PRG4: variants seen among roughly 807,000 people sequenced by gnomAD.
The protein encoded by PRG4 is articular superficial zone protein.
Under a neutral mutation model 91.2 loss-of-function variants are expected in PRG4, and 61 were observed. That is an observed-to-expected ratio of 0.67 (90% CI 0.54 to 0.83). PRG4 has a LOEUF of 0.83. PRG4 is among the 40% of genes least tolerant of loss of function. The pLI is 0.00. For missense variants in PRG4, 1,564 were observed against 1,714.2 expected (o/e 0.91, Z 1.55); for synonymous variants, 576 against 614.2 (o/e 0.94, Z 0.92).
intron 11 of PRG4, 117 bp from the exon 12 acceptor site, chr1:186,312,652 C>G (rs1389258340): frequency 1.8e-6 from 2 of 1,130,828 alleles, no homozygotes; most frequent in Admixed American, 1.7e-5. Context: ...GTCTATAACC[C>G]TCAATAGTTC....
chr1:186,302,123 A>G (rs1656264237), intron 4 of PRG4, among the ~76,000 whole-genome samples: 1 of 152,208 alleles, frequency 6.6e-6, no homozygotes, highest in Non-Finnish European at 1.5e-5. Flanking sequence ...GTTTGAGTAT[A>G]TATTTAAGGA....
rs767214166 is a variant in PRG4 at position 186,308,208 on chromosome 1, C to G, written c.2489C>G (p.Thr830Ser). The change falls in exon 7 of 13, where the codon ACC (threonine) becomes AGC (serine). Residue 830 changes from threonine (T) to serine (S), a missense_variant. By Grantham distance (58) the Thr-to-Ser change is moderately conservative. Coordinates refer to ENST00000445192, the MANE Select transcript of PRG4 (RefSeq NM_005807.6). ...PTTPKETAPTTPKEPAPTTPK... is the reference protein window; with the variant it reads ...PTTPKETAPTSPKEPAPTTPK... ...ACACCTAAGGAGACTGCTCCAACTA[C>G]CCCCAAGGAGCCTGCACCCACTACC... 1 of 1,612,300 alleles carries G rather than the reference C, an allele frequency of 6.2e-7. No individual in the cohort carries two copies. The highest frequency in any genetic ancestry group is 8.5e-7 in the Non-Finnish European group (1 of 1,179,396).
chr1:186,310,278 C>T (rs1404105790), intron 8 of PRG4, among the ~76,000 whole-genome samples: 3 of 152,158 alleles, frequency 2.0e-5, no homozygotes, highest in East Asian at 1.9e-4. Context: ...CACTCTCTGT[C>T]GGAGAGTAAC....
At position 186,307,389 on chromosome 1, in the gene PRG4, C is replaced by T; in HGVS notation, c.1670C>T (p.Thr557Ile). The T allele has an allele frequency of 1.2e-6, 2 of 1,604,138 alleles. No individual in the cohort carries two copies. Among genetic ancestry groups the T allele is most frequent in the East Asian group, 4.5e-5 (2 of 44,274 alleles). The change falls in exon 7 of 13, where the codon ACC becomes ATC. Residue 557 changes from threonine to isoleucine, a missense_variant. By Grantham distance (89) the Thr-to-Ile change is moderately conservative (BLOSUM62 -1). Coordinates refer to ENST00000445192, the MANE Select transcript of PRG4 (RefSeq NM_005807.6). ...CCCAAGGAGCCTTCACCCACCACCACCAAGGAGCCTGCACCCACCACTCCC... is the reference window on the plus strand; with the variant it reads ...CCCAAGGAGCCTTCACCCACCACCATCAAGGAGCCTGCACCCACCACTCCC... ...TTPKEPSPTT[T>I]KEPAPTTPKE...
chr1:186,306,641 A>G lies in PRG4; in HGVS notation c.922A>G (p.Lys308Glu). The change falls in exon 7 of 13, where the codon AAA (lysine) becomes GAA (glutamate). Residue 308 changes from lysine to glutamate, a missense_variant. By Grantham distance (56) the Lys-to-Glu change is moderately conservative. Coordinates refer to ENST00000445192, the MANE Select transcript of PRG4 (RefSeq NM_005807.6). ...TGGAAAAGAGAAGACTACTTCCGCT[A>G]AAGAGACACAAAGTATAGAGAAAAC... ...TDGKEKTTSAKETQSIEKTSA... is the reference protein window; with the variant it reads ...TDGKEKTTSAEETQSIEKTSA... The G allele has an allele frequency of 6.2e-7, 1 of 1,613,570 alleles. No individual in the cohort carries two copies. Among genetic ancestry groups the G allele is most frequent in the Non-Finnish European group, 8.5e-7 (1 of 1,179,630 alleles).
chr1:186,311,737 G>A, intron 10 of PRG4, 141 bp downstream of exon 10: 2 of 904,928 alleles, frequency 2.2e-6, no homozygotes, highest in Admixed American at 5.4e-5. Flanking sequence ...CAATATTGAG[G>A]GTAGTATTCT....
chr1:186,312,882 G>A lies in PRG4; in HGVS notation c.4105G>A (p.Ala1369Thr), dbSNP rs1160404774. 3 of 1,612,380 alleles carry A rather than the reference G, an allele frequency of 1.9e-6. No homozygotes were observed. The highest frequency in any genetic ancestry group is 2.5e-6 in the Non-Finnish European group (3 of 1,178,438). ...IRKPDGYDYYAFSKDQYYNID... is the reference protein window; with the variant it reads ...IRKPDGYDYYTFSKDQYYNID... ...AAAACCTGACGGCTATGATTACTATGCCTTTTCTAAAGGTAAGGTATTAAC... is the reference window on the plus strand; with the variant it reads ...AAAACCTGACGGCTATGATTACTATACCTTTTCTAAAGGTAAGGTATTAAC... Residue 1369 changes from alanine to threonine, a missense_variant, in exon 12 of 13, where the codon GCC becomes ACC. Coordinates refer to ENST00000445192, the MANE Select transcript of PRG4 (RefSeq NM_005807.6).
intron 6 of PRG4, among the ~76,000 whole-genome samples, chr1:186,305,495 T>C (rs1215251398): frequency 6.6e-6 from 1 of 152,216 alleles, no homozygotes; most frequent in Non-Finnish European, 1.5e-5. Flanking sequence ...TCCTTTGCTG[T>C]TTATTATTTC....
chr1:186,296,981 T>G, intron 2 of PRG4, 30 bp downstream of exon 2: 1 of 1,546,588 alleles, frequency 6.5e-7, no homozygotes, highest in Non-Finnish European at 8.9e-7. Context: ...TACTTTTATT[T>G]AACAACTATT....
In PRG4 at chr1:186,307,184, AAGCCTGCCCCAACTACCCCCAAGG is replaced by A. The variant is rs1656687555; in HGVS notation, c.1473_1496del (p.Pro503_Thr510del). 1 of 1,439,662 alleles carries A rather than the reference AAGCCTGCCCCAACTACCCCCAAGG, an allele frequency of 6.9e-7. No individual in the cohort carries two copies. The highest frequency in any genetic ancestry group is 9.2e-7 in the Non-Finnish European group (1 of 1,082,360). 89.2% of individuals were successfully genotyped at this position (1,439,662 alleles called of 1,614,324 possible). A position where few individuals can be genotyped will look rare whatever the true frequency, so the allele number is the denominator to read the frequency against. ...AGAGCCTGCACCCACTGCCCCCAAG[AAGCCTGCCCCAACTACCCCCAAGG>A]AGCCTGCACCCACCACTCCCAAGGA... On this transcript the variant is annotated inframe_deletion, in exon 7 of 13. Transcript: ENST00000445192.
Position 186,301,904 on chromosome 1 carries a change from A to G in PRG4, c.319+193A>G, listed in dbSNP as rs141568251. Among the ~76,000 whole-genome samples, 314 of 152,348 alleles carry G rather than the reference A, an allele frequency of 2.1e-3. 10 individuals are homozygous for G. The East Asian group carries it at 0.042, about 20-fold the overall frequency. ...AGCGCCTTCCAACAGCAGAACCCCC[A>G]GGCTCAGCCAGGCTCCAAGAGTACA... On this transcript the variant is annotated intron_variant, in intron 4 of 12. Coordinates refer to ENST00000445192, the MANE Select transcript of PRG4 (RefSeq NM_005807.6).
At chr1:186,312,707 T>C (rs1424884802) in intron 11 of PRG4, 62 bp from the exon 12 acceptor site, 29 of 1,553,738 alleles carry the variant, frequency 1.9e-5, no homozygotes, top group Non-Finnish European at 2.5e-5. Context: ...GATGTCTGGC[T>C]CTTTCCAAGA....
Position 186,313,721 on chromosome 1 carries a change from A to G in PRG4, c.4158A>G (p.Arg1386=), listed in dbSNP as rs1183983703. Residue 1386 remains arginine, a synonymous_variant, in exon 13 of 13, where the codon AGA becomes AGG. Transcript: ENST00000445192. ...TTGATGTGCCTAGTAGAACAGCAAGAGCAATTACTACTCGTTCTGGGCAGA... is the reference window on the plus strand; with the variant it reads ...TTGATGTGCCTAGTAGAACAGCAAGGGCAATTACTACTCGTTCTGGGCAGA... ...YNIDVPSRTA[R]AITTRSGQTL... 1.9e-6 allele frequency: 3 copies of G among 1,609,876 alleles called. No homozygotes were observed. The South Asian group carries it at 3.3e-5, about 18-fold the overall frequency.
At position 186,304,848 on chromosome 1, in the gene PRG4, C is replaced by G. The variant is rs1656449969; in HGVS notation, c.524C>G (p.Ser175Cys). The G allele has an allele frequency of 1.2e-6, 2 of 1,612,448 alleles. No individual in the cohort carries two copies. The highest frequency in any genetic ancestry group is 1.7e-4 in the Middle Eastern group (1 of 6,056). Residue 175 changes from serine (S) to cysteine (C), a missense_variant, in exon 6 of 13, where the codon TCT becomes TGT. Physicochemically the swap from Ser to Cys is moderately radical, Grantham distance 112. Coordinates refer to ENST00000445192, the MANE Select transcript of PRG4 (RefSeq NM_005807.6). ...ESSSSSSSSS[S>C]SSTIRKIKSS... ...TCCTCCTCCTCCTCCTCTTCCTCTTCTTCTTCAACAATTCGGAAAATCAAG... is the reference window on the plus strand; with the variant it reads ...TCCTCCTCCTCCTCCTCTTCCTCTTGTTCTTCAACAATTCGGAAAATCAAG...
In PRG4 at chr1:186,301,695, G is replaced by A; in HGVS notation, c.303G>A (p.Glu101=). The A allele has an allele frequency of 6.2e-7, 1 of 1,613,902 alleles. No homozygotes were observed. The highest frequency in any genetic ancestry group is 8.5e-7 in the Non-Finnish European group (1 of 1,179,804). The change falls in exon 4 of 13, where the codon GAG becomes GAA. Residue 101 remains glutamate (E), a synonymous_variant. Transcript: ENST00000445192. ...ATGACAAGTGCTGTCCCGATTATGA[G>A]AGTTTCTGTGCAGAAGGTAAGCATC... ...KKYDKCCPDY[E]SFCAEVHNPT...
At chr1:186,313,102 G>A (rs1657406377) in intron 12 of PRG4, 2 of 568,682 alleles carry the variant, frequency 3.5e-6, no homozygotes, top group Admixed American at 3.0e-5. Flanking sequence ...TAACCTTCAT[G>A]AGATTACGAT....
intron 12 of PRG4, 88 bp from the exon 13 acceptor site, chr1:186,313,593 T>A: frequency 1.2e-6 from 1 of 803,576 alleles, no homozygotes; most frequent in Non-Finnish European, 2.2e-6. Context: ...ATAAACATTG[T>A]CTTTGAGCAT....
chr1:186,307,357 C>T lies in PRG4; in HGVS notation c.1638C>T (p.Pro546=), dbSNP rs1449239650. Residue 546 remains proline (P), a synonymous_variant, in exon 7 of 13, where the codon CCC becomes CCT. Coordinates refer to ENST00000445192, the MANE Select transcript of PRG4 (RefSeq NM_005807.6). Reference sequence around the variant, plus strand: ...CACCCACCACTACCAAGTCTGCACCCACCACTCCCAAGGAGCCTTCACCCA... The same window carrying T: ...CACCCACCACTACCAAGTCTGCACCTACCACTCCCAAGGAGCCTTCACCCA... ...EPAPTTTKSA[P]TTPKEPSPTT... 2.5e-6 allele frequency: 4 copies of T among 1,591,910 alleles called. No individual in the cohort carries two copies. Among genetic ancestry groups the T allele is most frequent in the Non-Finnish European group, 3.4e-6 (4 of 1,172,950 alleles).
intron 9 of PRG4, 72 bp downstream of exon 9, chr1:186,311,242 G>A: frequency 6.6e-7 from 1 of 1,505,864 alleles, no homozygotes. Flanking sequence ...AACATATATT[G>A]CCTTAACCTC....
Sources: gnomAD v4.1 joint callset for allele counts (sites outside exome capture counted in the v4.1 genomes callset) on GRCh38, gnomAD v4.1.1 for gene constraint, MANE v1.5 for transcripts, NCBI Gene and HGNC (gene_info 2026-07-23, HGNC 2026-07-21) for gene names.